Variants in SDK1 observed in about 807,000 individuals in gnomAD.
SDK1 encodes sidekick cell adhesion molecule 1.
A neutral mutation model predicts 245.5 loss-of-function variants in SDK1; 157 were observed. The ratio of observed to expected loss-of-function variants is 0.64; its 90% CI spans 0.56 to 0.73. The LOEUF (loss-of-function observed/expected upper bound fraction) is 0.73. SDK1 is among the 30% of genes least tolerant of loss of function. The pLI is 0.00. For missense variants in SDK1, 3,583 were observed against 3,002.3 expected (o/e 1.19, Z -4.52); for synonymous variants, 1,647 against 1,278.5 (o/e 1.29, Z -6.15).
chr7:3,491,791 T>C (rs1181595776), intron 1 of SDK1, among the ~76,000 whole-genome samples: 1 of 152,232 alleles, frequency 6.6e-6, no homozygotes, highest in Non-Finnish European at 1.5e-5. Context: ...GCAAGACAAA[T>C]ACTTTTTCTC....
intron 1 of SDK1, among the ~76,000 whole-genome samples, chr7:3,334,045 A>T (rs1040013087): frequency 6.6e-6 from 1 of 152,138 alleles, no homozygotes; most frequent in Non-Finnish European, 1.5e-5. Flanking sequence ...GTTCAGTTTC[A>T]TTCTTAACCC....
chr7:3,834,009 T>G (rs1364383559), intron 5 of SDK1, among the ~76,000 whole-genome samples: 3 of 152,186 alleles, frequency 2.0e-5, no homozygotes, highest in African/African-American at 7.2e-5. Flanking sequence ...CATCTCAACC[T>G]GGAAGGATAC....
intron 4 of SDK1, among the ~76,000 whole-genome samples, chr7:3,777,409 C>G (rs1780598730): frequency 6.6e-6 from 1 of 152,348 alleles, no homozygotes; most frequent in South Asian, 2.1e-4. Context: ...TTGATCCTCA[C>G]CTTGTGAGAT....
At chr7:3,800,284 C>T (rs115508874) in intron 4 of SDK1, among the ~76,000 whole-genome samples, 120 of 152,258 alleles carry the variant, frequency 7.9e-4, no homozygotes, top group African/African-American at 2.8e-3. Context: ...GATCTTAGTT[C>T]CCATTATTCA....
At chr7:3,369,344 A>C (rs1781167222) in intron 1 of SDK1, among the ~76,000 whole-genome samples, 1 of 152,098 alleles carries the variant, frequency 6.6e-6, no homozygotes, top group Non-Finnish European at 1.5e-5. Flanking sequence ...CCCACCAATA[A>C]TGTAAATTCT....
At chr7:4,236,069 A>G (rs962536177) in intron 41 of SDK1, among the ~76,000 whole-genome samples, 1 of 152,226 alleles carries the variant, frequency 6.6e-6, no homozygotes, top group Non-Finnish European at 1.5e-5. Flanking sequence ...AGCCCTGTGA[A>G]CCTGCATTAG....
chr7:3,936,000 G>T (rs1444122674), intron 5 of SDK1, among the ~76,000 whole-genome samples: 3 of 152,200 alleles, frequency 2.0e-5, no homozygotes, highest in African/African-American at 7.2e-5. Flanking sequence ...AGTGTTCATG[G>T]ACACATCAGT....
At chr7:3,319,417 A>G (rs1779739308) in intron 1 of SDK1, among the ~76,000 whole-genome samples, 1 of 151,668 alleles carries the variant, frequency 6.6e-6, no homozygotes, top group Non-Finnish European at 1.5e-5. Context: ...CCCTCAAGGT[A>G]TTAATTCCTT....
At position 3,686,121 on chromosome 7, in the gene SDK1, G is replaced by A. The variant is rs2010395; in HGVS notation, c.713+44016G>A. On this transcript the variant is annotated intron_variant, in intron 4 of 44. Coordinates refer to ENST00000404826, the MANE Select transcript of SDK1 (RefSeq NM_152744.4). ...ATGGAGTTTTGCTCTTGTTGCCCATGCTGGAGCACAGTGGCATGGTCTCGG... is the reference window on the plus strand; with the variant it reads ...ATGGAGTTTTGCTCTTGTTGCCCATACTGGAGCACAGTGGCATGGTCTCGG... Among the ~76,000 whole-genome samples, 44 of 152,178 alleles carry A rather than the reference G, an allele frequency of 2.9e-4. No homozygotes were observed. In the South Asian group the frequency reaches 4.2e-3, roughly 14 times the overall value.
At chr7:3,943,660 G>A (rs780983403) in intron 5 of SDK1, among the ~76,000 whole-genome samples, 63 of 151,732 alleles carry the variant, frequency 4.2e-4, no homozygotes, top group Non-Finnish European at 4.6e-4. Context: ...CCATTCATCC[G>A]ACTTTATTTG....
chr7:3,967,576 C>G, intron 10 of SDK1, 142 bp downstream of exon 10: 2 of 631,510 alleles, frequency 3.2e-6, no homozygotes, highest in East Asian at 2.7e-5. Flanking sequence ...TTGCAGCAGT[C>G]CCCAACCTTT....
intron 4 of SDK1, among the ~76,000 whole-genome samples, chr7:3,820,676 C>T (rs1471119154): frequency 2.0e-5 from 3 of 152,160 alleles, no homozygotes; most frequent in Non-Finnish European, 4.4e-5. Flanking sequence ...GTGAAAACAC[C>T]TTCTCCCTTC....
intron 5 of SDK1, among the ~76,000 whole-genome samples, chr7:3,912,810 A>C (rs932338907): frequency 1.5e-4 from 23 of 152,272 alleles, no homozygotes; most frequent in African/African-American, 5.5e-4. Context: ...GTGGAGAAGA[A>C]GACCCGATTT....
chr7:3,928,383 C>T (rs1261704238), intron 5 of SDK1, among the ~76,000 whole-genome samples: 1 of 152,100 alleles, frequency 6.6e-6, no homozygotes, highest in Non-Finnish European at 1.5e-5. Flanking sequence ...AGAAACCTTT[C>T]ATAAGTTAAT....
intron 4 of SDK1, among the ~76,000 whole-genome samples, chr7:3,696,440 A>G (rs943842182): frequency 6.6e-5 from 10 of 152,132 alleles, no homozygotes; most frequent in Non-Finnish European, 1.0e-4. Context: ...TTGGATCACT[A>G]ACTGATAGGC....
intron 5 of SDK1, among the ~76,000 whole-genome samples, chr7:3,920,324 G>C (rs149908151): frequency 6.6e-6 from 1 of 152,326 alleles, no homozygotes; most frequent in Non-Finnish European, 1.5e-5. Context: ...TTGCAGTCTT[G>C]CAGGTGAGAT....
At chr7:4,120,844 G>C (rs749964274) in intron 25 of SDK1, among the ~76,000 whole-genome samples, 2 of 151,308 alleles carry the variant, frequency 1.3e-5, no homozygotes, top group Non-Finnish European at 2.9e-5. Flanking sequence ...TTGAACTCCT[G>C]ACCTCAAGTT....
chr7:3,664,303 A>AC lies in SDK1; in HGVS notation c.713+22202dup, dbSNP rs376967663. Among the ~76,000 whole-genome samples the AC allele has an allele frequency of 5.1e-4, 78 of 152,168 alleles. 1 individual carries two copies. The East Asian group carries it at 0.014, about 28-fold the overall frequency. ...AATGAAAAACACCAGGCTGTTAATT[A>AC]CCCCACAACTCAGGGCAACTCCAGC... On this transcript the variant is annotated intron_variant, in intron 4 of 44. Coordinates refer to ENST00000404826, the MANE Select transcript of SDK1 (RefSeq NM_152744.4).
intron 5 of SDK1, among the ~76,000 whole-genome samples, chr7:3,846,900 C>T (rs997236983): frequency 6.6e-6 from 1 of 152,094 alleles, no homozygotes; most frequent in African/African-American, 2.4e-5. Flanking sequence ...GGAACTGCCC[C>T]CAGCAGGTGA....
Sources: gnomAD v4.1 joint callset for allele counts (sites outside exome capture counted in the v4.1 genomes callset) on GRCh38, gnomAD v4.1.1 for gene constraint, MANE v1.5 for transcripts, NCBI Gene and HGNC (gene_info 2026-07-23, HGNC 2026-07-21) for gene names.